Variants in SLC22A9 observed in about 807,000 individuals in gnomAD.
SLC22A9 encodes solute carrier family 22 member 9.
In SLC22A9, 64 loss-of-function variants were observed where a neutral mutation model predicts 50.1. That is an observed-to-expected ratio of 1.28 (90% CI 1.04 to 1.57). The LOEUF is 1.57. SLC22A9 is among the 40% of genes most tolerant of loss of function. The pLI is 0.00. For missense variants in SLC22A9, 757 were observed against 676.1 expected (o/e 1.12, Z -1.33); for synonymous variants, 261 against 242.5 (o/e 1.08, Z -0.71).
chr11:63,391,285 A>G (rs1426465181), intron 6 of SLC22A9, among the ~76,000 whole-genome samples: 1 of 152,104 alleles, frequency 6.6e-6, no homozygotes, highest in Non-Finnish European at 1.5e-5. Context: ...AGAAAAGTGC[A>G]TATTCTTCAG....
At chr11:63,402,220 C>A (rs2014963272) in intron 6 of SLC22A9, among the ~76,000 whole-genome samples, 1 of 151,986 alleles carries the variant, frequency 6.6e-6, no homozygotes, top group Admixed American at 6.6e-5. Context: ...TTCCTCTTTT[C>A]TTCTGTGTTT....
At chr11:63,375,083 G>C (rs963326938) in intron 4 of SLC22A9, among the ~76,000 whole-genome samples, 3 of 152,074 alleles carry the variant, frequency 2.0e-5, no homozygotes, top group Non-Finnish European at 4.4e-5. Flanking sequence ...TCCCTGTCAG[G>C]CTCATCCATT....
chr11:63,370,680 G>A (rs760686882), intron 1 of SLC22A9, among the ~76,000 whole-genome samples: 3 of 152,128 alleles, frequency 2.0e-5, no homozygotes, highest in Non-Finnish European at 4.4e-5. Flanking sequence ...AAGTCACAGG[G>A]AGACCAAAGT....
At chr11:63,384,288 C>T (rs901579954) in intron 6 of SLC22A9, among the ~76,000 whole-genome samples, 1 of 152,138 alleles carries the variant, frequency 6.6e-6, no homozygotes, top group African/African-American at 2.4e-5. Context: ...AATGTTCTCT[C>T]TTCCTGCACC....
intron 5 of SLC22A9, among the ~76,000 whole-genome samples, chr11:63,376,383 A>T (rs531488819): frequency 8.5e-5 from 13 of 152,226 alleles, no homozygotes; most frequent in Middle Eastern, 6.8e-3. Flanking sequence ...TCTCATTTTA[A>T]TCCACCCCAG....
At chr11:63,373,025 T>C (rs1234954848) in intron 2 of SLC22A9, among the ~76,000 whole-genome samples, 1 of 152,098 alleles carries the variant, frequency 6.6e-6, no homozygotes, top group Non-Finnish European at 1.5e-5. Flanking sequence ...AGAGCTGAAA[T>C]CCTGCCTCAC....
In SLC22A9 at chr11:63,376,248, A is replaced by G. The variant is rs117361184; in HGVS notation, c.954+480A>G. ...TGAGGCACTACCTATGCCAGATTCC[A>G]TTCTTCCCTGGAAATACTGCAGTGC... On this transcript the variant is annotated intron_variant, in intron 5 of 9. Transcript: ENST00000279178. Among the ~76,000 whole-genome samples, 72 of 152,220 alleles carry G rather than the reference A, an allele frequency of 4.7e-4. No homozygotes were observed. The East Asian group carries it at 0.013, about 26-fold the overall frequency.
chr11:63,407,247 G>A (rs894389387), intron 7 of SLC22A9, among the ~76,000 whole-genome samples: 19 of 152,132 alleles, frequency 1.2e-4, no homozygotes, highest in African/African-American at 4.6e-4. Flanking sequence ...CCATCTTTAT[G>A]TAAAGAACTG....
intron 2 of SLC22A9, among the ~76,000 whole-genome samples, chr11:63,373,272 T>C (rs1328288796): frequency 1.3e-5 from 2 of 152,112 alleles, no homozygotes; most frequent in African/African-American, 2.4e-5. Flanking sequence ...TTATAGGCTA[T>C]GCCCTGCTCA....
chr11:63,375,747 C>G lies in SLC22A9; in HGVS notation c.933C>G (p.Ala311=). 1 of 1,612,248 alleles carries G rather than the reference C, an allele frequency of 6.2e-7. No individual in the cohort carries two copies. Among genetic ancestry groups the G allele is most frequent in the Non-Finnish European group, 8.5e-7 (1 of 1,178,792 alleles). The change falls in exon 5 of 10, where the codon GCC becomes GCG. Residue 311 remains alanine, a synonymous_variant. Transcript: ENST00000279178. ...CACACAGGAGTGGAATGAAGAATGC[C>G]AGAGACACCCTAACCCTGGAGGTGA... is the stretch of plus-strand genomic sequence containing the variant. The part of the protein sequence containing the change: ...KAAHRSGMKN[A]RDTLTLEILK...
At position 63,408,795 on chromosome 11, in the gene SLC22A9, C is replaced by A. The variant is rs996568293; in HGVS notation, c.1517C>A (p.Pro506His). ...PLPWIIYGVFPFISGFAFLLL... is the reference protein window; with the variant it reads ...PLPWIIYGVFHFISGFAFLLL... ...CCCTGGATCATCTATGGAGTCTTCC[C>A]CTTCATCTCTGGCTTTGCTTTCCTC... is the stretch of plus-strand genomic sequence containing the variant. The change falls in exon 9 of 10, where the codon CCC becomes CAC. Residue 506 changes from proline to histidine, a missense_variant. Physicochemically the swap from Pro to His is moderately conservative, Grantham distance 77 (BLOSUM62 -2). Coordinates refer to ENST00000279178, the MANE Select transcript of SLC22A9 (RefSeq NM_080866.3). The A allele has an allele frequency of 6.2e-7, 1 of 1,613,974 alleles. No homozygotes were observed. Among genetic ancestry groups the A allele is most frequent in the Non-Finnish European group, 8.5e-7 (1 of 1,179,944 alleles).
rs375632468 is a variant in SLC22A9, at chr11:63,370,447, A to C, written c.391A>C (p.Ile131Leu). 3.3e-5 allele frequency: 52 copies of C among 1,586,702 alleles called. No individual in the cohort carries two copies. The highest frequency in any genetic ancestry group is 4.3e-5 in the Non-Finnish European group (50 of 1,166,908). The change falls in exon 1 of 10, where the codon ATC becomes CTC. Residue 131 changes from isoleucine to leucine, a missense_variant. Coordinates refer to ENST00000279178, the MANE Select transcript of SLC22A9 (RefSeq NM_080866.3). ...VYDRISFSST[I>L]VTEWDLVCDS... Reference sequence around the variant, plus strand: ...TGACAGAATCTCCTTCTCATCCACCATCGTGACTGAGGTAAGAGGCTCTGT... The same window carrying C: ...TGACAGAATCTCCTTCTCATCCACCCTCGTGACTGAGGTAAGAGGCTCTGT...
At chr11:63,383,701 A>T (rs499003) in intron 6 of SLC22A9, among the ~76,000 whole-genome samples, 1 of 151,924 alleles carries the variant, frequency 6.6e-6, no homozygotes, top group Non-Finnish European at 1.5e-5. Context: ...ATATGAATAA[A>T]GTGATAACAA....
chr11:63,397,495 T>A (rs1445804795), intron 6 of SLC22A9, among the ~76,000 whole-genome samples: 1 of 152,166 alleles, frequency 6.6e-6, no homozygotes, highest in Non-Finnish European at 1.5e-5. Flanking sequence ...CACAGATGGG[T>A]CTATAGATGC....
At position 63,410,095 on chromosome 11, in the gene SLC22A9, C is replaced by T. The variant is rs192478604; in HGVS notation, c.*233C>T. On this transcript the variant is annotated 3_prime_UTR_variant, in exon 10 of 10. Coordinates refer to ENST00000279178, the MANE Select transcript of SLC22A9 (RefSeq NM_080866.3). ...CTCTACTAAAACAAATACAAAACTT[C>T]GCTGGGCACAGTGGCACAGGCCTTT... is the stretch of plus-strand genomic sequence containing the variant. The T allele has an allele frequency of 1.4e-3, 526 of 378,032 alleles. 4 individuals carry two copies. The highest frequency in any genetic ancestry group is 8.9e-3 in the African/African-American group (424 of 47,832). 23.4% of individuals were successfully genotyped at this position (378,032 alleles called of 1,614,324 possible).
At chr11:63,372,451 G>C (rs1446066590) in intron 2 of SLC22A9, among the ~76,000 whole-genome samples, 3 of 152,062 alleles carry the variant, frequency 2.0e-5, no homozygotes, top group African/African-American at 7.2e-5. Context: ...AAAACCATTT[G>C]GTTAGGTACC....
At chr11:63,406,964 A>T (rs1296745498) in intron 7 of SLC22A9, among the ~76,000 whole-genome samples, 1 of 152,196 alleles carries the variant, frequency 6.6e-6, no homozygotes, top group Non-Finnish European at 1.5e-5. Context: ...GAAGCCATTT[A>T]TTTCTGACAG....
chr11:63,406,033 G>A (rs2015030330), intron 6 of SLC22A9, among the ~76,000 whole-genome samples: 1 of 152,176 alleles, frequency 6.6e-6, no homozygotes, highest in East Asian at 1.9e-4. Context: ...GGACTTGGTG[G>A]TTGAAATATG....
chr11:63,370,804 A>T (rs746368514), intron 1 of SLC22A9, among the ~76,000 whole-genome samples: 1 of 152,200 alleles, frequency 6.6e-6, no homozygotes, highest in Non-Finnish European at 1.5e-5. Context: ...CCATGCCCAG[A>T]GTATACCCTA....
Sources: gnomAD v4.1 joint callset for allele counts (sites outside exome capture counted in the v4.1 genomes callset) on GRCh38, gnomAD v4.1.1 for gene constraint, MANE v1.5 for transcripts, NCBI Gene and HGNC (gene_info 2026-07-23, HGNC 2026-07-21) for gene names.